DLG1: variants seen among roughly 807,000 people sequenced by gnomAD.
DLG1 encodes the protein discs large MAGUK scaffold protein 1.
A neutral mutation model predicts 123.4 loss-of-function variants in DLG1; 42 were observed. The observed-to-expected ratio is 0.34, with a 90% CI of 0.27 to 0.44. The LOEUF is 0.44. Ranked by LOEUF, DLG1 falls within the 20% of genes least tolerant of loss-of-function variation. The pLI, the probability that DLG1 is intolerant of heterozygous loss-of-function variation, is 1.00. For synonymous variants in DLG1, 317 were observed against 356.2 expected (o/e 0.89, Z 1.24); for missense variants, 942 against 1,082.6 (o/e 0.87, Z 1.82).
At chr3:197,148,183 T>G (rs1577080542) in intron 6 of DLG1, among the ~76,000 whole-genome samples, 1 of 136,318 alleles carries the variant, frequency 7.3e-6, no homozygotes, top group Admixed American at 8.1e-5. Flanking sequence ...CTGGATGACT[T>G]GAGCTCAGGA....
chr3:197,095,304 C>T (rs1363194856), intron 14 of DLG1, among the ~76,000 whole-genome samples: 1 of 152,032 alleles, frequency 6.6e-6, no homozygotes, highest in African/African-American at 2.4e-5. Context: ...TGCTCGGATC[C>T]CTATGAAGAG....
At chr3:197,060,895 G>C (rs892087628) in intron 22 of DLG1, among the ~76,000 whole-genome samples, 1 of 152,080 alleles carries the variant, frequency 6.6e-6, no homozygotes. Context: ...GCATGATCTC[G>C]GCTTACTGCA....
At chr3:197,122,839 C>A (rs1248841774) in intron 11 of DLG1, among the ~76,000 whole-genome samples, 2 of 151,998 alleles carry the variant, frequency 1.3e-5, no homozygotes, top group African/African-American at 4.8e-5. Context: ...CTAAACCGAT[C>A]TGTAATGTTT....
chr3:197,181,589 ATATTT>A (rs1410927182), intron 5 of DLG1, among the ~76,000 whole-genome samples: 1 of 152,194 alleles, frequency 6.6e-6, no homozygotes, highest in Non-Finnish European at 1.5e-5. Flanking sequence ...CAGTCCCATT[ATATTT>A]TAACTTGTCA....
At chr3:197,128,179 G>T (rs995985773) in intron 11 of DLG1, among the ~76,000 whole-genome samples, 1 of 152,222 alleles carries the variant, frequency 6.6e-6, no homozygotes, top group Non-Finnish European at 1.5e-5. Context: ...CAAAACTGAA[G>T]TGAATTCTCT....
In DLG1 at chr3:197,161,581, C is replaced by T. The variant is rs1305169163; in HGVS notation, c.484-11785G>A. ...GCTCAAACAGTTTTAAAAAAGAACA[C>T]AAATGAAACATTAAAAGCAAATGAA... On this transcript the variant is annotated intron_variant, in intron 5 of 24. Transcript: ENST00000667157. 5.7e-6 allele frequency: 6 copies of T among 1,061,462 alleles called. No individual in the cohort carries two copies. In the Admixed American group the frequency reaches 2.2e-4, roughly 39 times the overall value. The allele number at this position is 1,061,462 out of a possible 1,614,324, so 65.8% of individuals were successfully genotyped here.
At chr3:197,102,452 C>T (rs1394685128) in intron 14 of DLG1, among the ~76,000 whole-genome samples, 4 of 152,186 alleles carry the variant, frequency 2.6e-5, no homozygotes, top group Admixed American at 6.5e-5. Flanking sequence ...CGGATGACTC[C>T]TTTTGTACTT....
chr3:197,285,208 G>C (rs964129701), intron 3 of DLG1, among the ~76,000 whole-genome samples: 1 of 152,080 alleles, frequency 6.6e-6, no homozygotes, highest in Non-Finnish European at 1.5e-5. Flanking sequence ...ACTCTCAAAG[G>C]GGGTGAGGAA....
At chr3:197,195,020 T>C (rs1476055181) in intron 4 of DLG1, among the ~76,000 whole-genome samples, 1 of 151,458 alleles carries the variant, frequency 6.6e-6, no homozygotes, top group Non-Finnish European at 1.5e-5. Context: ...ACAATCACAT[T>C]TTTTATTTTA....
intron 23 of DLG1, among the ~76,000 whole-genome samples, chr3:197,059,617 C>T (rs185944053): frequency 5.7e-3 from 203 of 35,780 alleles, no homozygotes; most frequent in Admixed American, 0.011. Flanking sequence ...GAGAGCTGTG[C>T]TGCGTACTTC....
intron 6 of DLG1, among the ~76,000 whole-genome samples, chr3:197,147,152 G>A (rs547217233): frequency 3.9e-5 from 6 of 152,240 alleles, no homozygotes; most frequent in East Asian, 1.9e-4. Context: ...AGATGTTGGC[G>A]TGGATGCAGT....
chr3:197,261,897 C>T (rs1280619829), intron 4 of DLG1, among the ~76,000 whole-genome samples: 1 of 152,122 alleles, frequency 6.6e-6, no homozygotes, highest in Non-Finnish European at 1.5e-5. Context: ...ACACAGGGCA[C>T]TTAGAATAAT....
chr3:197,245,927 G>T (rs1326784157), intron 4 of DLG1, among the ~76,000 whole-genome samples: 2 of 148,126 alleles, frequency 1.4e-5, no homozygotes, highest in Non-Finnish European at 3.0e-5. Flanking sequence ...GCAAATGAAG[G>T]TTATCCAGTA....
chr3:197,219,381 G>A (rs889832575), intron 4 of DLG1, among the ~76,000 whole-genome samples: 1 of 152,146 alleles, frequency 6.6e-6, no homozygotes, highest in Non-Finnish European at 1.5e-5. Context: ...AATCTCCCTT[G>A]ATGATAGGAT....
chr3:197,277,177 C>G (rs1229837216), intron 4 of DLG1, among the ~76,000 whole-genome samples: 4 of 151,952 alleles, frequency 2.6e-5, no homozygotes, highest in African/African-American at 9.6e-5. Context: ...CAGGCATGAG[C>G]CACTGCGCCC....
chr3:197,101,919 A>G (rs1763692666), intron 14 of DLG1, among the ~76,000 whole-genome samples: 3 of 152,130 alleles, frequency 2.0e-5, no homozygotes, highest in Non-Finnish European at 1.5e-5. Context: ...CTAATTAAAA[A>G]ACTTTAAAAA....
At chr3:197,181,800 A>G (rs1712200810) in intron 5 of DLG1, among the ~76,000 whole-genome samples, 1 of 152,224 alleles carries the variant, frequency 6.6e-6, no homozygotes, top group African/African-American at 2.4e-5. Context: ...GAGAATCAGG[A>G]AAGAGGTCTG....
In DLG1 at chr3:197,242,814, T is replaced by C. The variant is rs116145662; in HGVS notation, c.318+39865A>G. Among the ~76,000 whole-genome samples the C allele has an allele frequency of 8.5e-3, 1,288 of 152,134 alleles. 18 individuals are homozygous for C. Among genetic ancestry groups the C allele is most frequent in the African/African-American group, 0.029 (1,220 of 41,512 alleles). On this transcript the variant is annotated intron_variant, in intron 4 of 24. Transcript: ENST00000667157. ...GCAATAAACACCTGCATCAAAAAAGTAGAAATAGGCTGGGCATGATGATTC... is the reference window on the plus strand; with the variant it reads ...GCAATAAACACCTGCATCAAAAAAGCAGAAATAGGCTGGGCATGATGATTC...
At chr3:197,241,426 A>G (rs1748781472) in intron 4 of DLG1, among the ~76,000 whole-genome samples, 1 of 152,160 alleles carries the variant, frequency 6.6e-6, no homozygotes, top group South Asian at 2.1e-4. Flanking sequence ...AATCTGGAAG[A>G]AAAAAACACT....
Sources: allele counts gnomAD v4.1 joint callset (sites outside exome capture counted in the v4.1 genomes callset), GRCh38; gene constraint gnomAD v4.1.1; transcripts MANE v1.5; gene names NCBI Gene and HGNC (gene_info 2026-07-23, HGNC 2026-07-21).